ZNF493: variants seen among roughly 807,000 people sequenced by gnomAD.
The protein encoded by ZNF493 is zinc finger protein 493.
A neutral mutation model predicts 12.2 loss-of-function variants in ZNF493; 11 were observed. The ratio of observed to expected loss-of-function variants is 0.90; its 90% CI spans 0.57 to 1.50. ZNF493 has a LOEUF of 1.50. ZNF493 is among the 40% of genes most tolerant of loss of function. The pLI, the probability that ZNF493 is intolerant of heterozygous loss-of-function variation, is 0.00. For missense variants in ZNF493, 950 were observed against 906.6 expected (o/e 1.05, Z -0.61); for synonymous variants, 286 against 302.6 (o/e 0.95, Z 0.57).
At chr19:21,407,124 G>A (rs1441057694) in intron 3 of ZNF493, among the ~76,000 whole-genome samples, 1 of 151,996 alleles carries the variant, frequency 6.6e-6, no homozygotes, top group Non-Finnish European at 1.5e-5. Context: ...GAGGCCGGTG[G>A]ATCACTTGAG....
In ZNF493 at chr19:21,423,876, G is replaced by C. The variant is rs753188341; in HGVS notation, c.1217G>C (p.Arg406Thr). The stretch of plus-strand genomic sequence containing the variant: ...ATTCACACTGAAGAGAAATCCCACA[G>C]ATGTGAAGAATGTGGCAAAGCTTAT... ...KIIHTEEKSH[R>T]CEECGKAYKE... Residue 406 changes from arginine to threonine, a missense_variant, in exon 4 of 4, where the codon AGA (arginine) becomes ACA (threonine). Physicochemically the swap from Arg to Thr is moderately conservative, Grantham distance 71 (BLOSUM62 -1). Coordinates refer to ENST00000392288, the MANE Select transcript of ZNF493 (RefSeq NM_001076678.3). 1.9e-6 allele frequency: 3 copies of C among 1,608,278 alleles called. No individual in the cohort carries two copies. The highest frequency in any genetic ancestry group is 1.4e-5 in the African/African-American group (1 of 73,352).
In ZNF493 at chr19:21,424,241, C is replaced by T. The variant is rs150051672; in HGVS notation, c.1582C>T (p.Arg528Ter). 16 of 1,611,464 alleles carry T rather than the reference C, an allele frequency of 9.9e-6. No homozygotes were observed. Among genetic ancestry groups the T allele is most frequent in the African/African-American group, 6.7e-5 (5 of 74,586 alleles). The change falls in exon 4 of 4, where the codon CGA becomes TGA. Residue 528 changes from arginine to a stop codon, truncating the protein, a stop_gained. Transcript: ENST00000392288. LOFTEE classifies it low-confidence loss of function (END_TRUNC). ...TGAAGAATGTGGCAAAGCTTTTAAACGATCTTCAACCCTTACTATACATAA... is the reference window on the plus strand; with the variant it reads ...TGAAGAATGTGGCAAAGCTTTTAAATGATCTTCAACCCTTACTATACATAA... Reference protein sequence around the residue: ...KCEECGKAFKRSSTLTIHKMI... With the variant: ...KCEECGKAFK
chr19:21,410,607 C>T (rs2030294857), intron 3 of ZNF493, among the ~76,000 whole-genome samples: 1 of 151,978 alleles, frequency 6.6e-6, no homozygotes, highest in Non-Finnish European at 1.5e-5. Flanking sequence ...ACTACTATCA[C>T]ATATGATTTT....
intron 3 of ZNF493, among the ~76,000 whole-genome samples, chr19:21,416,539 GA>G (rs1208904293): frequency 4.6e-5 from 7 of 152,128 alleles, no homozygotes; most frequent in African/African-American, 1.7e-4. Context: ...ATGCTGTAGA[GA>G]AAAGATTGAA....
chr19:21,420,861 C>T (rs1301010307), intron 3 of ZNF493, among the ~76,000 whole-genome samples: 1 of 150,096 alleles, frequency 6.7e-6, no homozygotes, highest in Non-Finnish European at 1.5e-5. Context: ...AGGCAATTCT[C>T]CTGCCTCAGC....
rs889928855 is a variant in ZNF493, at chr19:21,425,545, C to T, written c.*561C>T. The stretch of plus-strand genomic sequence containing the variant: ...TACAAATGTGAGGAATGTGGCAAAG[C>T]CTTTAGCCTGTCCCTCCAATTTACT... On this transcript the variant is annotated 3_prime_UTR_variant, in exon 4 of 4. Coordinates refer to ENST00000392288, the MANE Select transcript of ZNF493 (RefSeq NM_001076678.3). 8.8e-6 allele frequency: 5 copies of T among 565,512 alleles called. No individual in the cohort carries two copies. Among genetic ancestry groups the T allele is most frequent in the South Asian group, 6.1e-5 (4 of 65,114 alleles). The allele number at this position is 565,512 out of a possible 1,614,324, so 35.0% of individuals were successfully genotyped here.
intron 1 of ZNF493, among the ~76,000 whole-genome samples, chr19:21,399,610 G>A (rs1974229189): frequency 6.6e-6 from 1 of 152,014 alleles, no homozygotes; most frequent in African/African-American, 2.4e-5. Flanking sequence ...GGGCATAAAA[G>A]ATTTGGGTTT....
At position 21,412,913 on chromosome 19, in the gene ZNF493, G is replaced by A. The variant is rs193238744; in HGVS notation, c.253+7057G>A. ...TCCTTGTGTTTAGCTCCTACAGCAG[G>A]CCTTATCATTTGAGGTCGAGGTGCC... On this transcript the variant is annotated intron_variant, in intron 3 of 3. Coordinates refer to ENST00000392288, the MANE Select transcript of ZNF493 (RefSeq NM_001076678.3). 473 of 436,246 alleles carry A rather than the reference G, an allele frequency of 1.1e-3. 2 individuals are homozygous for A. The highest frequency in any genetic ancestry group is 8.4e-3 in the African/African-American group (410 of 48,788). The allele number at this position is 436,246 out of a possible 1,614,324, so 27.0% of individuals were successfully genotyped here.
chr19:21,404,567 T>C (rs1277829335), intron 1 of ZNF493, among the ~76,000 whole-genome samples: 1 of 152,246 alleles, frequency 6.6e-6, no homozygotes, highest in Non-Finnish European at 1.5e-5. Flanking sequence ...AAGACTCTTA[T>C]CTTTGTTTAC....
intron 3 of ZNF493, among the ~76,000 whole-genome samples, chr19:21,406,918 A>G (rs191320019): frequency 5.9e-5 from 9 of 152,284 alleles, no homozygotes; most frequent in Admixed American, 5.9e-4. Flanking sequence ...TTTTCAATCC[A>G]TAAATATGAA....
intron 1 of ZNF493, among the ~76,000 whole-genome samples, chr19:21,399,813 C>G (rs1240280370): frequency 6.6e-6 from 1 of 151,994 alleles, no homozygotes; most frequent in African/African-American, 2.4e-5. Flanking sequence ...TTCATTTTTG[C>G]TGTAGAAAAT....
In ZNF493 at chr19:21,424,773, T is replaced by C. The variant is rs372399041; in HGVS notation, c.2114T>C (p.Ile705Thr). 1.9e-6 allele frequency: 3 copies of C among 1,612,334 alleles called. No homozygotes were observed. The highest frequency in any genetic ancestry group is 3.3e-5 in the Admixed American group (2 of 59,840). ...TTCTCAAACCTTAATACGCATAAGATAATTCATACTGGAGAGAAACCTTGC... is the reference window on the plus strand; with the variant it reads ...TTCTCAAACCTTAATACGCATAAGACAATTCATACTGGAGAGAAACCTTGC... ...YRFSNLNTHK[I>T]IHTGEKPCKC... Residue 705 changes from isoleucine to threonine, a missense_variant, in exon 4 of 4, where the codon ATA becomes ACA. By Grantham distance (89) the Ile-to-Thr change is moderately conservative. Coordinates refer to ENST00000392288, the MANE Select transcript of ZNF493 (RefSeq NM_001076678.3).
chr19:21,420,385 C>T lies in ZNF493; in HGVS notation c.254-2528C>T, dbSNP rs575010152. Among the ~76,000 whole-genome samples the T allele has an allele frequency of 3.0e-4, 45 of 151,194 alleles. 1 individual carries two copies. In the Middle Eastern group the frequency reaches 0.01, roughly 35 times the overall value. The stretch of plus-strand genomic sequence containing the variant: ...TAAGAAATTTATTTTTGTGTATGTG[C>T]ATATCTTTCCCAGAAAATAATGTAT... On this transcript the variant is annotated intron_variant, in intron 3 of 3. Coordinates refer to ENST00000392288, the MANE Select transcript of ZNF493 (RefSeq NM_001076678.3).
intron 3 of ZNF493, among the ~76,000 whole-genome samples, chr19:21,415,282 G>T (rs2030453552): frequency 6.6e-6 from 1 of 152,136 alleles, no homozygotes; most frequent in Non-Finnish European, 1.5e-5. Flanking sequence ...AGCCTCCTTT[G>T]TTAATTGCTG....
At chr19:21,417,912 C>T (rs569646213) in intron 3 of ZNF493, among the ~76,000 whole-genome samples, 1 of 152,312 alleles carries the variant, frequency 6.6e-6, no homozygotes, top group East Asian at 1.9e-4. Context: ...AAAAGGAGAA[C>T]CTAGTCCATA....
At chr19:21,400,673 C>G (rs545483047) in intron 1 of ZNF493, among the ~76,000 whole-genome samples, 15 of 152,184 alleles carry the variant, frequency 9.9e-5, no homozygotes, top group East Asian at 3.9e-4. Flanking sequence ...ATGGAAGAAG[C>G]CTTTCTGCTG....
At position 21,425,215 on chromosome 19, in the gene ZNF493, A is replaced by T. The variant is rs897387032; in HGVS notation, c.*231A>T. On this transcript the variant is annotated 3_prime_UTR_variant, in exon 4 of 4. Transcript: ENST00000392288. ...TGTGAAGAATGTGGCAAAGGCTTTA[A>T]TTAGTTCTCATCCCTTACTAAACAT... The T allele has an allele frequency of 3.4e-6, 2 of 586,704 alleles. No individual in the cohort carries two copies. The highest frequency in any genetic ancestry group is 3.8e-5 in the African/African-American group (2 of 53,284). 36.3% of individuals were successfully genotyped at this position (586,704 alleles called of 1,614,324 possible). A position where few individuals can be genotyped will look rare whatever the true frequency, so the allele number is the denominator to read the frequency against.
At chr19:21,400,596 A>G (rs868138100) in intron 1 of ZNF493, among the ~76,000 whole-genome samples, 5 of 152,154 alleles carry the variant, frequency 3.3e-5, no homozygotes, top group South Asian at 2.1e-4. Flanking sequence ...GGAGTTTATT[A>G]AAGGCCTAGT....
At chr19:21,415,037 C>T (rs2030438600) in intron 3 of ZNF493, among the ~76,000 whole-genome samples, 1 of 152,086 alleles carries the variant, frequency 6.6e-6, no homozygotes. Flanking sequence ...TGTAATTTAA[C>T]AATCCGAGTT....
Sources: allele counts gnomAD v4.1 joint callset (sites outside exome capture counted in the v4.1 genomes callset), GRCh38; gene constraint gnomAD v4.1.1; transcripts MANE v1.5; gene names NCBI Gene and HGNC (gene_info 2026-07-23, HGNC 2026-07-21).